RAB38: variants seen among roughly 807,000 people sequenced by gnomAD.
The protein encoded by RAB38 is ras-related protein Rab-38.
A neutral mutation model predicts 18.4 loss-of-function variants in RAB38; 15 were observed. The observed-to-expected ratio is 0.82, with a 90% CI of 0.55 to 1.26. The LOEUF (loss-of-function observed/expected upper bound fraction) is 1.26. RAB38 is among the 50% of genes most tolerant of loss of function. RAB38 has a pLI of 0.00. For missense variants in RAB38, 294 were observed against 267.4 expected (o/e 1.10, Z -0.69); for synonymous variants, 101 against 104.4 (o/e 0.97, Z 0.20).
the RAB38 span, among the ~76,000 whole-genome samples, chr11:88,025,472 G>A: frequency 6.6e-6 from 1 of 152,144 alleles, no homozygotes; most frequent in Non-Finnish European, 1.5e-5. Context: ...TTTCCACAGT[G>A]GCTGAACTCA....
At chr11:87,839,587 T>G in the RAB38 span, among the ~76,000 whole-genome samples, 1 of 152,232 alleles carries the variant, frequency 6.6e-6, no homozygotes, top group South Asian at 2.1e-4. Context: ...CGATTTAAGT[T>G]ACTTTGTAAC....
the RAB38 span, among the ~76,000 whole-genome samples, chr11:87,893,988 C>T: frequency 6.6e-6 from 1 of 151,582 alleles, no homozygotes; most frequent in Non-Finnish European, 1.5e-5. Context: ...TGCATTGAAC[C>T]TGCAGATAAC....
intron 1 of RAB38, among the ~76,000 whole-genome samples, chr11:88,168,037 C>G (rs906043209): frequency 1.3e-5 from 2 of 152,140 alleles, no homozygotes; most frequent in African/African-American, 4.8e-5. Flanking sequence ...CTCAAAACAT[C>G]TATTCTCAAA....
chr11:87,816,116 A>C, the RAB38 span: 1 of 152,188 alleles, frequency 6.6e-6, no homozygotes, highest in Non-Finnish European at 1.5e-5. Context: ...TGAGTAGTTG[A>C]TCATTTTTAT....
chr11:87,841,532 C>T, the RAB38 span, among the ~76,000 whole-genome samples: 1 of 152,134 alleles, frequency 6.6e-6, no homozygotes, highest in Non-Finnish European at 1.5e-5. Context: ...TATTTGCCTA[C>T]CACTTATCTG....
At chr11:88,159,199 C>CAATAAATA (rs58379713) in intron 1 of RAB38, among the ~76,000 whole-genome samples, 29,124 of 142,046 alleles carry the variant, frequency 0.21, 3,095 homozygotes, top group African/African-American at 0.23. Context: ...ACAATAGCAG[C>CAATAAATA]AATAAATAAA....
chr11:88,132,038 T>C (rs987376006), intron 2 of RAB38, among the ~76,000 whole-genome samples: 8 of 152,152 alleles, frequency 5.3e-5, no homozygotes, highest in Non-Finnish European at 1.0e-4. Context: ...TGAATGAGCA[T>C]AGAAGAGGAT....
the RAB38 span, among the ~76,000 whole-genome samples, chr11:88,070,556 T>A: frequency 6.6e-6 from 1 of 152,196 alleles, no homozygotes; most frequent in Non-Finnish European, 1.5e-5. Flanking sequence ...GCCTTCAACA[T>A]GGCAGGAAAT....
At chr11:87,934,253 G>A in the RAB38 span, among the ~76,000 whole-genome samples, 1 of 152,082 alleles carries the variant, frequency 6.6e-6, no homozygotes, top group African/African-American at 2.4e-5. Flanking sequence ...CCATGAAATA[G>A]GGGCCTATTT....
the RAB38 span, among the ~76,000 whole-genome samples, chr11:87,962,646 A>T: frequency 1.3e-5 from 2 of 152,218 alleles, no homozygotes; most frequent in Admixed American, 6.5e-5. Flanking sequence ...TCATGCAAAC[A>T]TGTTGAAATA....
At chr11:88,169,091 C>T (rs1276718941) in intron 1 of RAB38, among the ~76,000 whole-genome samples, 1 of 152,136 alleles carries the variant, frequency 6.6e-6, no homozygotes, top group African/African-American at 2.4e-5. Context: ...TAAAAAAGTG[C>T]TGTCTCTGGT....
the RAB38 span, among the ~76,000 whole-genome samples, chr11:87,804,447 A>G: frequency 6.6e-6 from 1 of 152,188 alleles, no homozygotes; most frequent in Non-Finnish European, 1.5e-5. Flanking sequence ...TCAACAGCCC[A>G]CATTCTGCCT....
At chr11:88,154,904 C>T (rs1943106715) in intron 1 of RAB38, among the ~76,000 whole-genome samples, 1 of 152,200 alleles carries the variant, frequency 6.6e-6, no homozygotes, top group African/African-American at 2.4e-5. Context: ...AGAAGCACCA[C>T]CTCACCTGAA....
the RAB38 span, among the ~76,000 whole-genome samples, chr11:87,851,781 A>G: frequency 1.3e-5 from 2 of 152,114 alleles, no homozygotes; most frequent in African/African-American, 4.8e-5. Context: ...GCTACCTGGA[A>G]GTGGTTGGCT....
chr11:87,923,577 ATGTG>A, the RAB38 span, among the ~76,000 whole-genome samples: 1 of 146,118 alleles, frequency 6.8e-6, no homozygotes, highest in Non-Finnish European at 1.5e-5. Context: ...GTGTGTGTGC[ATGTG>A]TGTGTGTGTG....
chr11:88,016,613 G>C, the RAB38 span, among the ~76,000 whole-genome samples: 2 of 151,876 alleles, frequency 1.3e-5, no homozygotes, highest in Non-Finnish European at 2.9e-5. Context: ...TGCCACAAGG[G>C]GGAGCACTAA....
chr11:88,055,082 T>C, the RAB38 span, among the ~76,000 whole-genome samples: 1 of 152,042 alleles, frequency 6.6e-6, no homozygotes, highest in African/African-American at 2.4e-5. Context: ...GATATTAAGA[T>C]ACCTGTTAGC....
chr11:87,975,024 G>A, the RAB38 span, among the ~76,000 whole-genome samples: 1 of 151,978 alleles, frequency 6.6e-6, no homozygotes, highest in East Asian at 1.9e-4. Context: ...GCCGTTCTAT[G>A]CCTCTCTCCT....
chr11:87,879,754 A>AT, the RAB38 span: 3 of 151,768 alleles, frequency 2.0e-5, no homozygotes, highest in Non-Finnish European at 4.4e-5. Flanking sequence ...CAGGTACTTA[A>AT]AGTGCATTAA....
Sources: gnomAD v4.1 joint callset for allele counts (sites outside exome capture counted in the v4.1 genomes callset) on GRCh38, gnomAD v4.1.1 for gene constraint, MANE v1.5 for transcripts, NCBI Gene and HGNC (gene_info 2026-07-23, HGNC 2026-07-21) for gene names.